The following TRPA1 variants were observed in gnomAD, a reference collection of about 807,000 sequenced individuals.
TRPA1 encodes the protein transient receptor potential cation channel subfamily A member 1, also known as ankyrin-like with transmembrane domains 1.
TRPA1 carries 129 observed loss-of-function variants against 131.3 expected under a neutral mutation model. The observed-to-expected ratio is 0.98, with a 90% CI of 0.85 to 1.14. The LOEUF is 1.14. Among genes scored for constraint, TRPA1 ranks in the 50% most tolerant of loss-of-function variants. The pLI is 0.00. For missense variants in TRPA1, 1,304 were observed against 1,354.2 expected (o/e 0.96, Z 0.58); for synonymous variants, 441 against 451.7 (o/e 0.98, Z 0.30).
the TRPA1 span, among the ~76,000 whole-genome samples, chr8:72,084,210 T>G: frequency 1.9e-3 from 283 of 152,324 alleles, no homozygotes; most frequent in African/African-American, 6.5e-3. Flanking sequence ...TTGACTGTAT[T>G]TTTGATTTTT....
chr8:72,043,851 T>C (rs1812340127), intron 17 of TRPA1, among the ~76,000 whole-genome samples: 1 of 151,886 alleles, frequency 6.6e-6, no homozygotes, highest in African/African-American at 2.4e-5. Context: ...TTAGTATTCA[T>C]AAAAATCTTT....
chr8:72,057,641 A>T, intron 9 of TRPA1, 76 bp downstream of exon 9: 1 of 1,108,508 alleles, frequency 9.0e-7, no homozygotes, highest in South Asian at 1.2e-5. Flanking sequence ...ATGAATGTTC[A>T]TTTGGCACAC....
chr8:72,058,769 C>T (rs3779755), intron 8 of TRPA1, among the ~76,000 whole-genome samples: 104,792 of 152,072 alleles, frequency 0.69, 37,113 homozygotes, highest in East Asian at 0.98. Flanking sequence ...AACACACACA[C>T]GTTCAATACT....
At chr8:72,069,387 G>A (rs1278918171) in intron 2 of TRPA1, among the ~76,000 whole-genome samples, 189 bp from the exon 3 acceptor site, 1 of 152,172 alleles carries the variant, frequency 6.6e-6, no homozygotes, top group African/African-American at 2.4e-5. Flanking sequence ...ATATATAGAA[G>A]CATGAGAGTG....
chr8:72,036,361 C>G lies in TRPA1; in HGVS notation c.2482G>C (p.Ala828Pro). ...FVLPLFVEIP[A>P]HLQWQCGAIA... ...GCTCCACATTGCCACTGCAGATGAG[C>G]TGGTATTTCAACAAACAAGGGCAGC... is the stretch of plus-strand genomic sequence containing the variant. The change falls in exon 21 of 27, where the codon GCT becomes CCT. Residue 828 changes from alanine (A) to proline (P), a missense_variant. Ala to Pro is a conservative substitution (Grantham distance 27). Transcript: ENST00000262209. The G allele has an allele frequency of 6.2e-7, 1 of 1,614,136 alleles. No homozygotes were observed. The highest frequency in any genetic ancestry group is 8.5e-7 in the Non-Finnish European group (1 of 1,180,020).
chr8:72,064,851 ATCTCCATCATCTCCATCG>A (rs373706778), intron 4 of TRPA1, among the ~76,000 whole-genome samples: 13 of 15,600 alleles, frequency 8.3e-4, no homozygotes, highest in African/African-American at 2.2e-3. Flanking sequence ...CATCTCCATC[ATCTCCATCATCTCCATCG>A]CTTCACTGGA....
At chr8:72,077,869 C>A (rs1806219533), upstream of TRPA1, among the ~76,000 whole-genome samples, 1 of 152,036 alleles carries the variant, frequency 6.6e-6, no homozygotes, top group East Asian at 1.9e-4. Context: ...AATGTGCAAG[C>A]TTTTTATATC....
the TRPA1 span, among the ~76,000 whole-genome samples, chr8:72,084,397 T>C: frequency 6.6e-6 from 1 of 151,574 alleles, no homozygotes; most frequent in Non-Finnish European, 1.5e-5. Context: ...TTCTGATGTT[T>C]ATTTGTAATT....
intron 24 of TRPA1, among the ~76,000 whole-genome samples, chr8:72,028,144 C>A (rs1371502618): frequency 6.6e-6 from 1 of 152,168 alleles, no homozygotes; most frequent in African/African-American, 2.4e-5. Context: ...ATTAGCTTTT[C>A]CTGCCTTCAA....
upstream of TRPA1, chr8:72,075,618 G>T (rs1806163022): frequency 1.7e-6 from 1 of 579,804 alleles, no homozygotes; most frequent in Admixed American, 3.0e-5. Flanking sequence ...CTTTTGTAGT[G>T]CAGGAAGCAG....
Position 72,071,704 on chromosome 8 carries a change from T to C in TRPA1, c.268+7A>G, listed in dbSNP as rs201062925. On this transcript the variant is annotated splice_region_variant and intron_variant, in intron 2 of 26. Transcript: ENST00000262209. ...TTTCTGGAAGATGAATTGTAATATTTTGTTACCTTCCAAAGAGGAATCTCT... is the reference window on the plus strand; with the variant it reads ...TTTCTGGAAGATGAATTGTAATATTCTGTTACCTTCCAAAGAGGAATCTCT... 1.1e-5 allele frequency: 18 copies of C among 1,613,508 alleles called. No homozygotes were observed. The highest frequency in any genetic ancestry group is 1.4e-5 in the Non-Finnish European group (17 of 1,179,664).
rs773860742 is a variant in TRPA1, at chr8:72,026,079, G to A, written c.2938-6C>T. On this transcript the variant is annotated splice_region_variant and splice_polypyrimidine_tract_variant and intron_variant, in intron 24 of 26. Transcript: ENST00000262209. ...AAGCTGGTATGAAGTTCCACCTAAA[G>A]TGCATTTTGGATTTATTGATAGAAT... 2 of 1,610,146 alleles carry A rather than the reference G, an allele frequency of 1.2e-6. No individual in the cohort carries two copies. The highest frequency in any genetic ancestry group is 1.3e-5 in the African/African-American group (1 of 74,980).
Position 72,055,513 on chromosome 8 carries a change from AGTC to A in TRPA1, c.1449_1451del (p.Met483_Thr484delinsIle). On this transcript the variant is annotated inframe_deletion, in exon 12 of 27. Transcript: ENST00000262209. ...CATTCTTTGCTGCCAGATGGAGAGG[AGTC>A]ATTCCATGAAGGTCACCTTCATTCA... 1 of 1,613,184 alleles carries A rather than the reference AGTC, an allele frequency of 6.2e-7. No individual in the cohort carries two copies. Among genetic ancestry groups the A allele is most frequent in the East Asian group, 2.2e-5 (1 of 44,864 alleles).
At position 72,038,929 on chromosome 8, in the gene TRPA1, A is replaced by G. The variant is rs1324294673; in HGVS notation, c.2231T>C (p.Met744Thr). The change falls in exon 19 of 27, where the codon ATG becomes ACG. Residue 744 changes from methionine (M) to threonine (T), a missense_variant. Met to Thr is a moderately conservative substitution (Grantham distance 81). Transcript: ENST00000262209. ...GATGATGCCAGTTGAGTTGAAAGCC[A>G]TTCCTGGTTTTATATTGACAACGAG... ...TILVVNIKPG[M>T]AFNSTGIINE... is the part of the protein sequence containing the mutation. 14 of 1,613,042 alleles carry G rather than the reference A, an allele frequency of 8.7e-6. No individual in the cohort carries two copies. Among genetic ancestry groups the G allele is most frequent in the Non-Finnish European group, 1.2e-5 (14 of 1,179,474 alleles).
intron 4 of TRPA1, among the ~76,000 whole-genome samples, 198 bp downstream of exon 4, chr8:72,065,253 C>G (rs969559471): frequency 7.2e-5 from 11 of 152,104 alleles, no homozygotes; most frequent in African/African-American, 2.7e-4. Context: ...TACTATTAGT[C>G]TTCTATAAGC....
the TRPA1 span, among the ~76,000 whole-genome samples, chr8:72,087,759 G>T: frequency 5.1e-4 from 78 of 151,896 alleles, no homozygotes; most frequent in African/African-American, 1.8e-3. Context: ...TGCTTTGCTT[G>T]TCCTATTAAC....
chr8:72,069,534 C>T (rs57001801), intron 2 of TRPA1, among the ~76,000 whole-genome samples: 19,100 of 152,082 alleles, frequency 0.13, 1,509 homozygotes, highest in Admixed American at 0.24. Flanking sequence ...AACTATGTCC[C>T]AGGCACTCTG....
At chr8:72,061,840 T>A in intron 6 of TRPA1, 79 bp from the exon 7 acceptor site, 1 of 1,457,044 alleles carries the variant, frequency 6.9e-7, no homozygotes, top group Non-Finnish European at 9.5e-7. Context: ...GTGAGCTTTT[T>A]CTTCCCAGGT....
At chr8:72,034,127 TA>T (rs1811942965) in intron 22 of TRPA1, 120 bp downstream of exon 22, 1 of 1,134,656 alleles carries the variant, frequency 8.8e-7, no homozygotes, top group Middle Eastern at 3.0e-4. Context: ...AGATAAAAAC[TA>T]AAGTATTTGA....
Sources: allele counts gnomAD v4.1 joint callset (sites outside exome capture counted in the v4.1 genomes callset), GRCh38; gene constraint gnomAD v4.1.1; transcripts MANE v1.5; gene names NCBI Gene and HGNC (gene_info 2026-07-23, HGNC 2026-07-21).